The following ZBTB44 variants were observed in gnomAD, a reference collection of about 807,000 sequenced individuals.
ZBTB44 encodes zinc finger and BTB domain containing 44.
A neutral mutation model predicts 54.0 loss-of-function variants in ZBTB44; 15 were observed. That is an observed-to-expected ratio of 0.28 (90% CI 0.19 to 0.43). The LOEUF is 0.43. Ranked by LOEUF, ZBTB44 falls within the 20% of genes least tolerant of loss-of-function variation. The probability of loss-of-function intolerance (pLI) is 1.00; values close to 1 mark genes in which losing one functional copy is unlikely to be tolerated. For missense variants in ZBTB44, 487 were observed against 707.1 expected, an observed-to-expected ratio of 0.69 and a Z score of 3.53; for synonymous variants, 230 against 250.1, an observed-to-expected ratio of 0.92 and a Z score of 0.76.
At chr11:130,235,453 T>A (rs1380705253) in intron 5 of ZBTB44, among the ~76,000 whole-genome samples, 1 of 152,136 alleles carries the variant, frequency 6.6e-6, no homozygotes, top group African/African-American at 2.4e-5. Context: ...AAAATGAATG[T>A]CTGGTTTGAA....
intron 1 of ZBTB44, among the ~76,000 whole-genome samples, chr11:130,266,951 AT>A (rs1302265427): frequency 2.6e-5 from 4 of 152,192 alleles, no homozygotes; most frequent in Non-Finnish European, 5.9e-5. Flanking sequence ...ATCAAGTCCA[AT>A]TTAAAAAAAT....
At chr11:130,288,396 TA>T (rs1189893445) in intron 1 of ZBTB44, among the ~76,000 whole-genome samples, 1 of 149,956 alleles carries the variant, frequency 6.7e-6, no homozygotes, top group East Asian at 2.0e-4. Context: ...AATAAATAAA[TA>T]AAATAAAATA....
chr11:130,282,772 T>C (rs1263098791), intron 1 of ZBTB44, among the ~76,000 whole-genome samples: 3 of 152,200 alleles, frequency 2.0e-5, no homozygotes, highest in African/African-American at 7.2e-5. Context: ...TTGGCAATTA[T>C]CACCTGTATT....
At chr11:130,268,932 T>C (rs1318610220) in intron 1 of ZBTB44, among the ~76,000 whole-genome samples, 1 of 151,398 alleles carries the variant, frequency 6.6e-6, no homozygotes, top group Non-Finnish European at 1.5e-5. Context: ...ATACATAATA[T>C]GGACAGTTGA....
Position 130,234,291 on chromosome 11 carries a change from G to T in ZBTB44, c.1569-18C>A, listed in dbSNP as rs774489746. 15 of 1,510,556 alleles carry T rather than the reference G, an allele frequency of 9.9e-6. No homozygotes were observed. In the South Asian group the frequency reaches 1.8e-4, roughly 18 times the overall value. 93.6% of individuals were successfully genotyped at this position (1,510,556 alleles called of 1,614,324 possible). A position where few individuals can be genotyped will look rare whatever the true frequency, so the allele number is the denominator to read the frequency against. ...GGAAATCACTAGATAAGAGGCAAAG[G>T]ATGAAATATGGAATTAATTTTCAAA... On this transcript the variant is annotated intron_variant, in intron 5 of 7. Coordinates refer to ENST00000357899, the MANE Select transcript of ZBTB44 (RefSeq NM_001301098.2).
At chr11:130,245,123 T>C (rs188246970) in intron 2 of ZBTB44, among the ~76,000 whole-genome samples, 2 of 152,330 alleles carry the variant, frequency 1.3e-5, no homozygotes, top group Non-Finnish European at 2.9e-5. Flanking sequence ...TGTGTTTACA[T>C]TCATTCCCAA....
chr11:130,313,920 G>GTGTGTA (rs1159083947), intron 1 of ZBTB44, among the ~76,000 whole-genome samples: 1 of 131,178 alleles, frequency 7.6e-6, no homozygotes, highest in Non-Finnish European at 1.6e-5. Flanking sequence ...GTGTGTGTGT[G>GTGTGTA]TGTATGTGTG....
intron 1 of ZBTB44, among the ~76,000 whole-genome samples, chr11:130,279,518 G>T (rs989323548): frequency 5.3e-5 from 8 of 152,094 alleles, no homozygotes; most frequent in African/African-American, 1.9e-4. Flanking sequence ...AATTAGCTGG[G>T]CTTGGTGGCA....
chr11:130,295,268 T>C (rs1941571936), intron 1 of ZBTB44, among the ~76,000 whole-genome samples: 1 of 152,088 alleles, frequency 6.6e-6, no homozygotes, highest in Non-Finnish European at 1.5e-5. Flanking sequence ...TGTGGGCTTA[T>C]CAGAAGCTCC....
chr11:130,290,071 T>G (rs1300897681), intron 1 of ZBTB44, among the ~76,000 whole-genome samples: 7 of 152,130 alleles, frequency 4.6e-5, no homozygotes, highest in Admixed American at 3.9e-4. Context: ...AATGGGGAGA[T>G]TATCCCAGAT....
At chr11:130,300,334 CCA>C (rs113216312) in intron 1 of ZBTB44, among the ~76,000 whole-genome samples, 13 of 150,496 alleles carry the variant, frequency 8.6e-5, no homozygotes, top group Non-Finnish European at 1.3e-4. Context: ...GTGTATTTCA[CCA>C]CACACACACA....
chr11:130,276,232 C>CAAAAAAAAAAA lies in ZBTB44; in HGVS notation c.-56-14314_-56-14304dup, dbSNP rs757286125. On this transcript the variant is annotated intron_variant, in intron 1 of 7. Coordinates refer to ENST00000357899, the MANE Select transcript of ZBTB44 (RefSeq NM_001301098.2). ...CAAGAGTGAACGTGAAACTCTGTCT[C>CAAAAAAAAAAA]AAAAAAAAAAAAAAGAAAAAAGAAA... 1.5e-3 allele frequency among the ~76,000 whole-genome samples: 48 copies of CAAAAAAAAAAA among 31,748 alleles called. 4 individuals are homozygous for CAAAAAAAAAAA. The highest frequency in any genetic ancestry group is 2.4e-3 in the South Asian group (1 of 422). 20.8% of individuals were successfully genotyped at this position (31,748 alleles called of 152,430 possible). A position where few individuals can be genotyped will look rare whatever the true frequency, so the allele number is the denominator to read the frequency against.
intron 2 of ZBTB44, among the ~76,000 whole-genome samples, chr11:130,248,024 A>G (rs1374070560): frequency 1.3e-5 from 2 of 152,238 alleles, no homozygotes; most frequent in Non-Finnish European, 2.9e-5. Flanking sequence ...GTAAAATCCT[A>G]TCTGAACTAA....
At chr11:130,297,682 C>T (rs1464853044) in intron 1 of ZBTB44, among the ~76,000 whole-genome samples, 1 of 152,176 alleles carries the variant, frequency 6.6e-6, no homozygotes, top group East Asian at 1.9e-4. Context: ...AGCAAAGAGA[C>T]GTGGAACAAG....
intron 2 of ZBTB44, among the ~76,000 whole-genome samples, chr11:130,258,354 TC>T (rs1269028506): frequency 6.6e-6 from 1 of 152,128 alleles, no homozygotes; most frequent in Non-Finnish European, 1.5e-5. Flanking sequence ...ATATCTATTT[TC>T]TTTCACATGG....
rs1483835500 is a variant in ZBTB44, at chr11:130,231,253, A to T, written c.*511T>A. 1 of 152,132 alleles carries T rather than the reference A, an allele frequency of 6.6e-6. No homozygotes were observed. The highest frequency in any genetic ancestry group is 1.9e-4 in the East Asian group (1 of 5,202). The allele number at this position is 152,132 out of a possible 1,614,324, so 9.4% of individuals were successfully genotyped here. A position where few individuals can be genotyped will look rare whatever the true frequency, so the allele number is the denominator to read the frequency against. Reference sequence around the variant, plus strand: ...ATCTGTTTCCTAAAACAGATCCATAAACAGATCCAATATCCTTAAAGTACA... The same window carrying T: ...ATCTGTTTCCTAAAACAGATCCATATACAGATCCAATATCCTTAAAGTACA... On this transcript the variant is annotated 3_prime_UTR_variant, in exon 8 of 8. Transcript: ENST00000357899.
intron 1 of ZBTB44, among the ~76,000 whole-genome samples, chr11:130,297,211 G>A (rs1315765240): frequency 6.6e-6 from 1 of 152,158 alleles, no homozygotes; most frequent in African/African-American, 2.4e-5. Context: ...CTTCTATCAA[G>A]TCTCTTTTTA....
At chr11:130,243,843 T>C (rs1954503053) in intron 2 of ZBTB44, among the ~76,000 whole-genome samples, 2 of 152,160 alleles carry the variant, frequency 1.3e-5, no homozygotes, top group African/African-American at 4.8e-5. Flanking sequence ...ACACTTGGTA[T>C]TGCAGGATTT....
In ZBTB44 at chr11:130,237,004, G is replaced by A. The variant is rs1439873002; in HGVS notation, c.1357C>T (p.Arg453Cys). The change falls in exon 5 of 8, where the codon CGC (arginine) becomes TGC (cysteine). Residue 453 changes from arginine to cysteine, a missense_variant. By Grantham distance (180) the Arg-to-Cys change is radical (BLOSUM62 -3). Coordinates refer to ENST00000357899, the MANE Select transcript of ZBTB44 (RefSeq NM_001301098.2). ...KMHRLKHEGKRCFRCQICSAT... is the reference protein window; with the variant it reads ...KMHRLKHEGKCCFRCQICSAT... ...CTACATATCTGGCACCGGAAACAGC[G>A]TTTACCTTCATGCTTTAGGCGATGC... is the stretch of plus-strand genomic sequence containing the variant. The A allele has an allele frequency of 2.5e-6, 4 of 1,612,338 alleles. No homozygotes were observed. Among genetic ancestry groups the A allele is most frequent in the Non-Finnish European group, 3.4e-6 (4 of 1,179,278 alleles).
Sources: gnomAD v4.1 joint callset for allele counts (sites outside exome capture counted in the v4.1 genomes callset) on GRCh38, gnomAD v4.1.1 for gene constraint, MANE v1.5 for transcripts, NCBI Gene and HGNC (gene_info 2026-07-23, HGNC 2026-07-21) for gene names.